Variants in CACNA2D3 observed in about 807,000 individuals in gnomAD.
CACNA2D3 encodes voltage-dependent calcium channel subunit alpha-2/delta-3.
CACNA2D3 carries 60 observed loss-of-function variants against 160.6 expected under a neutral mutation model. That is an observed-to-expected ratio of 0.37 (90% CI 0.30 to 0.46). The LOEUF is 0.46. Among genes scored for constraint, CACNA2D3 ranks in the 20% least tolerant of loss-of-function variants. The pLI is 1.00. For synonymous variants in CACNA2D3, 558 were observed against 492.9 expected, an observed-to-expected ratio of 1.13 and a Z score of -1.75; for missense variants, 1,205 against 1,365.0, an observed-to-expected ratio of 0.88 and a Z score of 1.85.
intron 13 of CACNA2D3, among the ~76,000 whole-genome samples, chr3:54,770,913 C>T (rs1162020215): frequency 6.6e-6 from 1 of 152,066 alleles, no homozygotes; most frequent in African/African-American, 2.4e-5. Flanking sequence ...TAAAAAATTA[C>T]CACTGTGCTG....
intron 13 of CACNA2D3, among the ~76,000 whole-genome samples, chr3:54,801,076 TC>T (rs1247242107): frequency 6.6e-6 from 1 of 151,920 alleles, no homozygotes; most frequent in Non-Finnish European, 1.5e-5. Flanking sequence ...AACCTCTGCT[TC>T]CCAGGCTCAA....
intron 3 of CACNA2D3, among the ~76,000 whole-genome samples, chr3:54,348,973 C>T (rs1008913791): frequency 5.3e-5 from 8 of 152,176 alleles, no homozygotes; most frequent in Admixed American, 3.3e-4. Flanking sequence ...AGTTATCCTC[C>T]TGCCTCAGCC....
At chr3:54,638,353 C>G (rs1295496413) in intron 10 of CACNA2D3, 1 of 151,994 alleles carries the variant, frequency 6.6e-6, no homozygotes, top group African/African-American at 2.4e-5. Context: ...TTAACCTTGA[C>G]TATGCGTTTA....
At chr3:54,319,852 TTA>T (rs200261859) in intron 2 of CACNA2D3, among the ~76,000 whole-genome samples, 1,931 of 152,220 alleles carry the variant, frequency 0.013, 14 homozygotes, top group Non-Finnish European at 0.019. Context: ...AATAAAAAAA[TTA>T]GAGGAGTAGC....
chr3:55,052,510 T>G (rs1425544515), intron 35 of CACNA2D3, among the ~76,000 whole-genome samples: 1 of 152,012 alleles, frequency 6.6e-6, no homozygotes, highest in East Asian at 1.9e-4. Flanking sequence ...GTTACTTAGG[T>G]AAAGTTGGTT....
intron 4 of CACNA2D3, among the ~76,000 whole-genome samples, chr3:54,433,283 G>A (rs79013312): frequency 7.9e-5 from 12 of 152,120 alleles, no homozygotes; most frequent in African/African-American, 2.9e-4. Flanking sequence ...GACAGCATCT[G>A]TTGCCTTCTT....
At chr3:54,517,933 A>G (rs900307094) in intron 5 of CACNA2D3, among the ~76,000 whole-genome samples, 16 of 152,116 alleles carry the variant, frequency 1.1e-4, no homozygotes, top group African/African-American at 3.9e-4. Context: ...TCCTACCATA[A>G]GAGGTCAGCC....
chr3:54,763,735 G>T (rs9756768), intron 12 of CACNA2D3, among the ~76,000 whole-genome samples: 1 of 103,378 alleles, frequency 9.7e-6, no homozygotes, highest in Non-Finnish European at 2.1e-5. Flanking sequence ...ACATATATAT[G>T]TGTATATATG....
At chr3:54,918,993 A>G (rs920766136) in intron 27 of CACNA2D3, 9 of 906,702 alleles carry the variant, frequency 9.9e-6, no homozygotes, top group Admixed American at 4.5e-5. Flanking sequence ...TTTATGAAGT[A>G]CCTTTTTTTT....
intron 13 of CACNA2D3, among the ~76,000 whole-genome samples, chr3:54,803,484 G>A (rs1703043932): frequency 1.3e-5 from 2 of 151,856 alleles, no homozygotes; most frequent in Non-Finnish European, 2.9e-5. Context: ...AATGAATGAA[G>A]CGAGAAGGGA....
chr3:54,805,689 C>G (rs1041845777), intron 13 of CACNA2D3, among the ~76,000 whole-genome samples: 13 of 152,202 alleles, frequency 8.5e-5, no homozygotes, highest in East Asian at 7.7e-4. Context: ...TGAATCCTCC[C>G]TAACTCATTT....
intron 13 of CACNA2D3, among the ~76,000 whole-genome samples, chr3:54,808,399 A>G (rs1353337022): frequency 1.3e-5 from 2 of 151,998 alleles, no homozygotes; most frequent in South Asian, 2.1e-4. Flanking sequence ...GGCCTATTTG[A>G]TGATCTTTCC....
chr3:54,386,876 G>A, intron 4 of CACNA2D3, 102 bp downstream of exon 4: 1 of 1,070,580 alleles, frequency 9.3e-7, no homozygotes, highest in South Asian at 1.5e-5. Context: ...TTGGGAGGGA[G>A]AGGCTTTTGA....
rs112358653 is a variant in CACNA2D3 at position 54,869,536 on chromosome 3, TAGAC to T, written c.1627-2000_1627-1997del. Among the ~76,000 whole-genome samples, 23 of 152,328 alleles carry T rather than the reference TAGAC, an allele frequency of 1.5e-4. 1 individual carries two copies. Among genetic ancestry groups the T allele is most frequent in the African/African-American group, 1.9e-4 (8 of 41,578 alleles). On this transcript the variant is annotated intron_variant, in intron 17 of 37. Transcript: ENST00000474759. ...GACCAAAGAAAGAACTTCCTCAAAA[TAGAC>T]AGTTTAGATCCAGTATCAGGCTACC... is the stretch of plus-strand genomic sequence containing the variant.
chr3:54,704,176 G>C (rs1194850975), intron 11 of CACNA2D3, among the ~76,000 whole-genome samples: 2 of 152,106 alleles, frequency 1.3e-5, no homozygotes, highest in Non-Finnish European at 2.9e-5. Flanking sequence ...AATGCAGGAG[G>C]GGAAAAATTA....
intron 2 of CACNA2D3, among the ~76,000 whole-genome samples, chr3:54,195,235 G>C (rs1021427884): frequency 4.6e-5 from 7 of 152,156 alleles, no homozygotes; most frequent in Non-Finnish European, 4.4e-5. Flanking sequence ...ATGTGATCTG[G>C]AGGAAAACTC....
chr3:54,764,098 A>G (rs937018572), intron 12 of CACNA2D3, 120 bp from the exon 13 acceptor site: 65 of 1,085,304 alleles, frequency 6.0e-5, no homozygotes, highest in Non-Finnish European at 8.6e-5. Flanking sequence ...AGAGGAGCTA[A>G]CATTGAAAAG....
At chr3:54,198,484 C>T (rs545979425) in intron 2 of CACNA2D3, among the ~76,000 whole-genome samples, 3 of 152,328 alleles carry the variant, frequency 2.0e-5, no homozygotes, top group East Asian at 1.9e-4. Context: ...ATGGGCCAGC[C>T]GCTCTGTGGG....
At chr3:54,865,236 G>A (rs1050233443) in intron 17 of CACNA2D3, among the ~76,000 whole-genome samples, 2 of 152,270 alleles carry the variant, frequency 1.3e-5, no homozygotes, top group Non-Finnish European at 2.9e-5. Context: ...AGGTGCCGAC[G>A]CCGGTGTGGT....
Sources: gnomAD v4.1 joint callset for allele counts (sites outside exome capture counted in the v4.1 genomes callset) on GRCh38, gnomAD v4.1.1 for gene constraint, MANE v1.5 for transcripts, NCBI Gene and HGNC (gene_info 2026-07-23, HGNC 2026-07-21) for gene names.